The following LRFN5 variants were observed in gnomAD, a reference collection of about 807,000 sequenced individuals.
LRFN5 encodes the protein leucine rich repeat and fibronectin type III domain containing 5.
LRFN5 carries 24 observed loss-of-function variants against 45.6 expected under a neutral mutation model. The observed-to-expected ratio is 0.53, with a 90% confidence interval of 0.38 to 0.74. LRFN5 has a LOEUF of 0.74. Ranked by LOEUF, LRFN5 falls within the 30% of genes least tolerant of loss-of-function variation. The probability of loss-of-function intolerance (pLI) is 0.00; values close to 1 mark genes in which losing one functional copy is unlikely to be tolerated. For synonymous variants in LRFN5, 340 were observed against 313.8 expected, an observed-to-expected ratio of 1.08 and a Z score of -0.88; for missense variants, 776 against 861.5, an observed-to-expected ratio of 0.90 and a Z score of 1.24.
At chr14:41,649,192 G>A (rs1002904365) in intron 1 of LRFN5, among the ~76,000 whole-genome samples, 1 of 152,024 alleles carries the variant, frequency 6.6e-6, no homozygotes, top group African/African-American at 2.4e-5. Flanking sequence ...CTGAGATTGC[G>A]CCACTGCACT....
intron 1 of LRFN5, among the ~76,000 whole-genome samples, chr14:41,725,827 T>C (rs1229631103): frequency 6.6e-6 from 1 of 152,178 alleles, no homozygotes; most frequent in Non-Finnish European, 1.5e-5. Flanking sequence ...GACATGCTCT[T>C]TTCTGGAGTA....
chr14:41,653,947 T>C (rs1880251549), intron 1 of LRFN5, among the ~76,000 whole-genome samples: 1 of 151,876 alleles, frequency 6.6e-6, no homozygotes. Flanking sequence ...TTTTAATAAC[T>C]GTATGAAAAG....
chr14:41,650,881 GAGAA>G (rs1451960470), intron 1 of LRFN5, among the ~76,000 whole-genome samples: 3 of 86,352 alleles, frequency 3.5e-5, no homozygotes, highest in East Asian at 5.5e-4. Context: ...CAAAGAGACA[GAGAA>G]AGAGAGAGAG....
chr14:41,844,660 T>C (rs1170918578), intron 2 of LRFN5, among the ~76,000 whole-genome samples: 1 of 152,110 alleles, frequency 6.6e-6, no homozygotes, highest in Non-Finnish European at 1.5e-5. Flanking sequence ...CTGGAAAAAG[T>C]AAAGCCTTGA....
At position 41,888,458 on chromosome 14, in the gene LRFN5, G is replaced by A. The variant is rs149437268; in HGVS notation, c.1385+448G>A. 1.6e-4 allele frequency among the ~76,000 whole-genome samples: 25 copies of A among 152,174 alleles called. No homozygotes were observed. In the East Asian group the frequency reaches 3.9e-3, roughly 24 times the overall value. On this transcript the variant is annotated intron_variant, in intron 3 of 5. Coordinates refer to ENST00000298119, the MANE Select transcript of LRFN5 (RefSeq NM_152447.5). ...TACTATTTTGAATATCCTCAGTGGT[G>A]GCAAATCTTCGTCTTTTGAGGGTGA...
intron 2 of LRFN5, among the ~76,000 whole-genome samples, chr14:41,831,596 G>T (rs929052841): frequency 6.6e-6 from 1 of 151,996 alleles, no homozygotes; most frequent in African/African-American, 2.4e-5. Flanking sequence ...AGAGTAAAAA[G>T]GACTGTTACC....
chr14:41,699,152 G>A (rs74046621), intron 1 of LRFN5, among the ~76,000 whole-genome samples: 2 of 151,990 alleles, frequency 1.3e-5, no homozygotes, highest in Admixed American at 6.6e-5. Context: ...GAACATTAAC[G>A]TACAGAGGAA....
intron 1 of LRFN5, among the ~76,000 whole-genome samples, chr14:41,677,289 A>G (rs1881676798): frequency 6.6e-6 from 1 of 152,310 alleles, no homozygotes; most frequent in Admixed American, 6.5e-5. Flanking sequence ...AACGAGAGTC[A>G]CTACAATCTA....
At chr14:41,864,568 G>A (rs948867263) in intron 2 of LRFN5, among the ~76,000 whole-genome samples, 2 of 152,156 alleles carry the variant, frequency 1.3e-5, no homozygotes, top group African/African-American at 4.8e-5. Flanking sequence ...CTACTCCAGT[G>A]TGACTTTATC....
chr14:41,753,570 C>T (rs991934232), intron 1 of LRFN5, among the ~76,000 whole-genome samples: 7 of 151,980 alleles, frequency 4.6e-5, no homozygotes, highest in Non-Finnish European at 8.8e-5. Flanking sequence ...CTCTGTTTGT[C>T]TGTTATTGGT....
chr14:41,619,569 T>C (rs1888045302), intron 1 of LRFN5, among the ~76,000 whole-genome samples: 1 of 152,024 alleles, frequency 6.6e-6, no homozygotes, highest in African/African-American at 2.4e-5. Context: ...GAATATAAAA[T>C]ATTTTATTTA....
chr14:41,839,766 A>G (rs111938326), intron 2 of LRFN5, among the ~76,000 whole-genome samples: 4 of 152,100 alleles, frequency 2.6e-5, no homozygotes, highest in African/African-American at 9.7e-5. Context: ...CTGTGAAGCT[A>G]TTGCTATACC....
intron 1 of LRFN5, among the ~76,000 whole-genome samples, chr14:41,669,757 A>T (rs1235075408): frequency 1.3e-5 from 2 of 152,006 alleles, no homozygotes; most frequent in Non-Finnish European, 2.9e-5. Flanking sequence ...ATGGGCACAG[A>T]AATTTTCACT....
At chr14:41,730,951 C>G (rs1405495846) in intron 1 of LRFN5, among the ~76,000 whole-genome samples, 1 of 151,864 alleles carries the variant, frequency 6.6e-6, no homozygotes, top group Non-Finnish European at 1.5e-5. Flanking sequence ...GTGGGTAGTA[C>G]CCAATGGAGT....
intron 1 of LRFN5, among the ~76,000 whole-genome samples, chr14:41,661,219 G>T (rs998186125): frequency 1.4e-4 from 21 of 151,664 alleles, no homozygotes; most frequent in African/African-American, 4.6e-4. Flanking sequence ...ATTTATTCAT[G>T]AAACATAATC....
At chr14:41,851,575 CAT>C (rs1334298794) in intron 2 of LRFN5, among the ~76,000 whole-genome samples, 4 of 151,610 alleles carry the variant, frequency 2.6e-5, no homozygotes, top group Admixed American at 1.3e-4. Context: ...TTAAATTAAA[CAT>C]GTACATCTGT....
rs947564291 is a variant in LRFN5 at position 41,720,279 on chromosome 14, A to T, written c.-196-46575A>T. Among the ~76,000 whole-genome samples the T allele has an allele frequency of 5.9e-5, 9 of 152,078 alleles. No homozygotes were observed. In the East Asian group the frequency reaches 1.2e-3, roughly 20 times the overall value. On this transcript the variant is annotated intron_variant, in intron 1 of 5. Transcript: ENST00000298119. The stretch of plus-strand genomic sequence containing the variant: ...CCACAAAAGACATGATTTCATATTT[A>T]TGGCTGCATAGTATTCCATGATGTA...
intron 1 of LRFN5, among the ~76,000 whole-genome samples, chr14:41,729,898 A>G (rs1025157554): frequency 1.3e-5 from 2 of 151,912 alleles, no homozygotes; most frequent in Admixed American, 6.6e-5. Flanking sequence ...AATTTAAGAA[A>G]GCAACACTTT....
chr14:41,727,146 G>C (rs1162505365), intron 1 of LRFN5, among the ~76,000 whole-genome samples: 1 of 152,018 alleles, frequency 6.6e-6, no homozygotes, highest in Non-Finnish European at 1.5e-5. Flanking sequence ...TTTATTTGAG[G>C]GTAATGACTT....
Sources: gnomAD v4.1 joint callset for allele counts (sites outside exome capture counted in the v4.1 genomes callset) on GRCh38, gnomAD v4.1.1 for gene constraint, MANE v1.5 for transcripts, NCBI Gene and HGNC (gene_info 2026-07-23, HGNC 2026-07-21) for gene names.